The following OR6Y1 variants were observed in gnomAD, a reference collection of about 807,000 sequenced individuals.
The protein encoded by OR6Y1 is olfactory receptor family 6 subfamily Y member 1.
Under a neutral mutation model 0.4 loss-of-function variants are expected in OR6Y1, and 1 was observed. The observed-to-expected ratio is 2.74, with a 90% CI of 0.97 to 13.02. The LOEUF is 13.02. OR6Y1 is among the 30% of genes most tolerant of loss of function. The probability of loss-of-function intolerance (pLI) is 0.12; values close to 1 mark genes in which losing one functional copy is unlikely to be tolerated. For missense variants in OR6Y1, 480 were observed against 399.8 expected (o/e 1.20, Z -1.71); for synonymous variants, 173 against 141.1 (o/e 1.23, Z -1.60).
Position 158,547,796 on chromosome 1 carries a change from T to G in OR6Y1, c.310A>C (p.Thr104Pro). ...DKSISFNGCM[T>P]QLYFFVTFVC... ...AAGGTCACAAAAAAGTAAAGTTGAG[T>G]CATGCAGCCATTGAAGGAAATACTC... Residue 104 changes from threonine to proline, a missense_variant, in exon 2 of 2, where the codon ACT (threonine) becomes CCT (proline). Coordinates refer to ENST00000641622, the MANE Select transcript of OR6Y1 (RefSeq NM_001005189.2). 1.9e-6 allele frequency: 3 copies of G among 1,613,192 alleles called. No homozygotes were observed. Among genetic ancestry groups the G allele is most frequent in the Non-Finnish European group, 2.5e-6 (3 of 1,179,922 alleles).
At position 158,547,937 on chromosome 1, in the gene OR6Y1, C is replaced by T; in HGVS notation, c.169G>A (p.Asp57Asn). The stretch of plus-strand genomic sequence containing the variant: ...TACATGGGCTTATGCAGCTGCCCAT[C>T]ACTGTGGATAGCTAAGATGATAAGA... ...NLLIILAIHS[D>N]GQLHKPMYFF... Residue 57 changes from aspartate (D) to asparagine (N), a missense_variant, in exon 2 of 2, where the codon GAT becomes AAT. Asp to Asn is a conservative substitution (Grantham distance 23). Coordinates refer to ENST00000641622, the MANE Select transcript of OR6Y1 (RefSeq NM_001005189.2). 6.2e-7 allele frequency: 1 copy of T among 1,613,356 alleles called. No homozygotes were observed. The highest frequency in any genetic ancestry group is 8.5e-7 in the Non-Finnish European group (1 of 1,179,864).
rs1350845841 is a variant in OR6Y1 at position 158,546,921 on chromosome 1, GTC to G, written c.*205_*206del. ...TAGCTTTTCTAACATTTTAAAACTT[GTC>G]TCTCAGCCTGATACCAGAGGTTACT... is the stretch of plus-strand genomic sequence containing the variant. On this transcript the variant is annotated 3_prime_UTR_variant, in exon 2 of 2. Coordinates refer to ENST00000641622, the MANE Select transcript of OR6Y1 (RefSeq NM_001005189.2). 1 of 431,224 alleles carries G rather than the reference GTC, an allele frequency of 2.3e-6. No homozygotes were observed. The highest frequency in any genetic ancestry group is 4.0e-5 in the Admixed American group (1 of 25,182). The allele number at this position is 431,224 out of a possible 1,614,324, so 26.7% of individuals were successfully genotyped here. A position where few individuals can be genotyped will look rare whatever the true frequency, so the allele number is the denominator to read the frequency against.
chr1:158,552,926 C>A (rs945400786), intron 1 of OR6Y1, among the ~76,000 whole-genome samples: 5 of 152,194 alleles, frequency 3.3e-5, no homozygotes, highest in African/African-American at 1.2e-4. Context: ...TTTTCCCAGG[C>A]CTTTTCAGGA....
intron 1 of OR6Y1, among the ~76,000 whole-genome samples, chr1:158,552,232 ATATATATG>A (rs1338679044): frequency 8.1e-6 from 1 of 123,772 alleles, no homozygotes; most frequent in East Asian, 2.3e-4. Flanking sequence ...GTATGGAGAT[ATATATATG>A]TATATATATA....
rs1446844740 is a variant in OR6Y1, at chr1:158,545,316, C to T, written c.*1812G>A. 3.9e-5 allele frequency: 4 copies of T among 102,662 alleles called. No homozygotes were observed. Among genetic ancestry groups the T allele is most frequent in the South Asian group, 3.3e-4 (1 of 3,042 alleles). 6.4% of individuals were successfully genotyped at this position (102,662 alleles called of 1,614,324 possible). ...TTATGGACACAGGAACATCACACTCCGGGGAATGTTGTGGGTGGGGGGAGG... is the reference window on the plus strand; with the variant it reads ...TTATGGACACAGGAACATCACACTCTGGGGAATGTTGTGGGTGGGGGGAGG... On this transcript the variant is annotated 3_prime_UTR_variant, in exon 2 of 2. Transcript: ENST00000641622.
Position 158,546,957 on chromosome 1 carries a change from A to G in OR6Y1, c.*171T>C, listed in dbSNP as rs1647553076. 1.7e-6 allele frequency: 1 copy of G among 581,658 alleles called. No individual in the cohort carries two copies. Among genetic ancestry groups the G allele is most frequent in the Non-Finnish European group, 2.9e-6 (1 of 348,442 alleles). 36.0% of individuals were successfully genotyped at this position (581,658 alleles called of 1,614,324 possible). On this transcript the variant is annotated 3_prime_UTR_variant, in exon 2 of 2. Transcript: ENST00000641622. ...TGATACCAGAGGTTACTTCTTGAGA[A>G]CATGTTTCTCCAGTCATGATTGTGT...
chr1:158,548,817 G>A lies in OR6Y1; in HGVS notation c.-712C>T, dbSNP rs536223314. 3 of 151,910 alleles carry A rather than the reference G, an allele frequency of 2.0e-5. No individual in the cohort carries two copies. The highest frequency in any genetic ancestry group is 3.9e-4 in the East Asian group (2 of 5,186). The allele number at this position is 151,910 out of a possible 1,614,324, so 9.4% of individuals were successfully genotyped here. A position where few individuals can be genotyped will look rare whatever the true frequency, so the allele number is the denominator to read the frequency against. ...TTTGTCTTTGTATAGCTAAGTGAGAGTACCACATAATCTTTTAGAATATTA... is the reference window on the plus strand; with the variant it reads ...TTTGTCTTTGTATAGCTAAGTGAGAATACCACATAATCTTTTAGAATATTA... On this transcript the variant is annotated 5_prime_UTR_variant, in exon 2 of 2. Coordinates refer to ENST00000641622, the MANE Select transcript of OR6Y1 (RefSeq NM_001005189.2).
Position 158,547,432 on chromosome 1 carries a change from G to T in OR6Y1, c.674C>A (p.Ala225Asp), listed in dbSNP as rs896183361. The T allele has an allele frequency of 1.2e-6, 2 of 1,613,446 alleles. No homozygotes were observed. The highest frequency in any genetic ancestry group is 1.7e-6 in the Non-Finnish European group (2 of 1,179,994). ...GATCCTGAGGATGGTGGCAAGGATAGCAGCGTAGGATGCCACCACAACACA... is the reference window on the plus strand; with the variant it reads ...GATCCTGAGGATGGTGGCAAGGATATCAGCGTAGGATGCCACCACAACACA... The part of the protein sequence containing the change: ...PLCVVVASYA[A>D]ILATILRIPS... Residue 225 changes from alanine to aspartate, a missense_variant, in exon 2 of 2, where the codon GCT becomes GAT. By Grantham distance (126) the Ala-to-Asp change is moderately radical (BLOSUM62 -2). Transcript: ENST00000641622.
chr1:158,553,337 G>T (rs2101710907), intron 1 of OR6Y1, among the ~76,000 whole-genome samples: 1 of 152,184 alleles, frequency 6.6e-6, no homozygotes, highest in East Asian at 1.9e-4. Context: ...AAATTCTAGT[G>T]TTCTATAGCA....
At position 158,546,278 on chromosome 1, in the gene OR6Y1, T is replaced by C. The variant is rs956186060; in HGVS notation, c.*850A>G. The C allele has an allele frequency of 5.3e-5, 8 of 152,142 alleles. No individual in the cohort carries two copies. Among genetic ancestry groups the C allele is most frequent in the African/African-American group, 1.9e-4 (8 of 41,420 alleles). The allele number at this position is 152,142 out of a possible 1,614,324, so 9.4% of individuals were successfully genotyped here. A position where few individuals can be genotyped will look rare whatever the true frequency, so the allele number is the denominator to read the frequency against. ...CTGGGGTTAGGACAACATACTTTTTTGGAGGGAGGGAGGAGTGGGACATAA... is the reference window on the plus strand; with the variant it reads ...CTGGGGTTAGGACAACATACTTTTTCGGAGGGAGGGAGGAGTGGGACATAA... On this transcript the variant is annotated 3_prime_UTR_variant, in exon 2 of 2. Coordinates refer to ENST00000641622, the MANE Select transcript of OR6Y1 (RefSeq NM_001005189.2).
chr1:158,549,604 C>T (rs551075003), intron 1 of OR6Y1, 67 bp from the exon 2 acceptor site: 5 of 151,764 alleles, frequency 3.3e-5, no homozygotes, highest in South Asian at 2.1e-4. Flanking sequence ...ACACAGATAA[C>T]CCAGAAAAGG....
In OR6Y1 at chr1:158,545,086, T is replaced by C. The variant is rs2101705653; in HGVS notation, c.*2042A>G. ...ATTGCTGGGTCAAATGGTATTTCTG[T>C]TTTTAAGTCTTTGAGGAATCGTTAC... On this transcript the variant is annotated 3_prime_UTR_variant, in exon 2 of 2. Coordinates refer to ENST00000641622, the MANE Select transcript of OR6Y1 (RefSeq NM_001005189.2). The C allele has an allele frequency of 6.6e-6, 1 of 152,136 alleles. No individual in the cohort carries two copies. The highest frequency in any genetic ancestry group is 1.9e-4 in the East Asian group (1 of 5,148). The allele number at this position is 152,136 out of a possible 1,614,324, so 9.4% of individuals were successfully genotyped here. A position where few individuals can be genotyped will look rare whatever the true frequency, so the allele number is the denominator to read the frequency against.
chr1:158,551,765 C>CACACACAA (rs748165607), intron 1 of OR6Y1, among the ~76,000 whole-genome samples: 217 of 151,376 alleles, frequency 1.4e-3, no homozygotes, highest in Middle Eastern at 3.4e-3. Context: ...CACACACACA[C>CACACACAA]AAACACACAT....
In OR6Y1 at chr1:158,547,020, A is replaced by G; in HGVS notation, c.*108T>C. ...ACACATGCACACACACACAGAGGAG[A>G]GCAGTGTTACAGTACTGGAGATTGG... is the stretch of plus-strand genomic sequence containing the variant. On this transcript the variant is annotated 3_prime_UTR_variant, in exon 2 of 2. Transcript: ENST00000641622. 3.0e-6 allele frequency: 3 copies of G among 1,001,670 alleles called. No individual in the cohort carries two copies. Among genetic ancestry groups the G allele is most frequent in the East Asian group, 2.4e-5 (1 of 41,782 alleles). The allele number at this position is 1,001,670 out of a possible 1,614,324, so 62.0% of individuals were successfully genotyped here. A position where few individuals can be genotyped will look rare whatever the true frequency, so the allele number is the denominator to read the frequency against.
chr1:158,551,767 A>ACAC (rs34986210), intron 1 of OR6Y1, among the ~76,000 whole-genome samples: 1,224 of 109,192 alleles, frequency 0.011, 39 homozygotes, highest in African/African-American at 0.042. Context: ...CACACACACA[A>ACAC]ACACACATTG....
chr1:158,551,220 G>A lies in OR6Y1; in HGVS notation c.-1432-1683C>T, dbSNP rs1181726953. ...AATTTAAGGAGAATCAAAGGGCCAG[G>A]CTGAGAGCCAAGAGTCAGTTGAAGG... On this transcript the variant is annotated intron_variant, in intron 1 of 1. Transcript: ENST00000641622. Among the ~76,000 whole-genome samples, 5 of 151,618 alleles carry A rather than the reference G, an allele frequency of 3.3e-5. No homozygotes were observed. In the East Asian group the frequency reaches 9.7e-4, roughly 29 times the overall value.
At chr1:158,550,191 A>G (rs1647665789) in intron 1 of OR6Y1, among the ~76,000 whole-genome samples, 1 of 148,792 alleles carries the variant, frequency 6.7e-6, no homozygotes, top group Non-Finnish European at 1.5e-5. Flanking sequence ...GAATAATTCT[A>G]CTAATTAATG....
rs1206819754 is a variant in OR6Y1 at position 158,554,403 on chromosome 1, G to A, written c.-1570C>T. 1 of 152,234 alleles carries A rather than the reference G, an allele frequency of 6.6e-6. No homozygotes were observed. Among genetic ancestry groups the A allele is most frequent in the African/African-American group, 2.4e-5 (1 of 41,454 alleles). 9.4% of individuals were successfully genotyped at this position (152,234 alleles called of 1,614,324 possible). On this transcript the variant is annotated 5_prime_UTR_variant, in exon 1 of 2. Transcript: ENST00000641622. ...CCTAGAGAGTTTCTGGGCAAGTCTG[G>A]TTCTGTCTCTGCTTGAAGAAGGCAC...
intron 1 of OR6Y1, among the ~76,000 whole-genome samples, chr1:158,550,117 TC>T (rs1303066919): frequency 6.6e-6 from 1 of 151,852 alleles, no homozygotes; most frequent in East Asian, 1.9e-4. Context: ...TACCCTAATG[TC>T]CTCTTTTCTT....
Sources: allele counts gnomAD v4.1 joint callset (sites outside exome capture counted in the v4.1 genomes callset), GRCh38; gene constraint gnomAD v4.1.1; transcripts MANE v1.5; gene names NCBI Gene and HGNC (gene_info 2026-07-23, HGNC 2026-07-21).